Variants in GDAP1L1 observed in about 807,000 individuals in gnomAD.
GDAP1L1 encodes ganglioside-induced differentiation-associated protein 1-like 1.
Under a neutral mutation model 37.1 loss-of-function variants are expected in GDAP1L1, and 21 were observed. The observed-to-expected ratio is 0.57, with a 90% CI of 0.40 to 0.81. The LOEUF (loss-of-function observed/expected upper bound fraction) is 0.81. Among genes scored for constraint, GDAP1L1 ranks in the 40% least tolerant of loss-of-function variants. The probability of loss-of-function intolerance (pLI) is 0.00; values close to 1 mark genes in which losing one functional copy is unlikely to be tolerated. For synonymous variants in GDAP1L1, 193 were observed against 209.1 expected (o/e 0.92, Z 0.67); for missense variants, 362 against 491.6 (o/e 0.74, Z 2.49).
chr20:44,247,186 C>T, upstream of GDAP1L1: 1 of 782,040 alleles, frequency 1.3e-6, no homozygotes, highest in Non-Finnish European at 2.1e-6. Flanking sequence ...CCCCTCGCCC[C>T]CTCCCCCAAC....
chr20:44,258,316 C>T, intron 2 of GDAP1L1, 118 bp from the exon 3 acceptor site: 1 of 991,738 alleles, frequency 1.0e-6, no homozygotes, highest in East Asian at 2.6e-5. Flanking sequence ...CAAGCCCGAG[C>T]ATGGGGGTGC....
chr20:44,271,306 C>T (rs1284781526), intron 5 of GDAP1L1, among the ~76,000 whole-genome samples: 1 of 152,066 alleles, frequency 6.6e-6, no homozygotes, highest in African/African-American at 2.4e-5. Context: ...CCACACTAAG[C>T]GGGTATCAGC....
In GDAP1L1 at chr20:44,279,802, C is replaced by A; in HGVS notation, c.*502C>A. The A allele has an allele frequency of 2.1e-6, 1 of 471,400 alleles. No homozygotes were observed. The highest frequency in any genetic ancestry group is 1.5e-5 in the South Asian group (1 of 64,530). 29.2% of individuals were successfully genotyped at this position (471,400 alleles called of 1,614,324 possible). A position where few individuals can be genotyped will look rare whatever the true frequency, so the allele number is the denominator to read the frequency against. On this transcript the variant is annotated 3_prime_UTR_variant, in exon 6 of 6. Coordinates refer to ENST00000342560, the MANE Select transcript of GDAP1L1 (RefSeq NM_024034.6). The stretch of plus-strand genomic sequence containing the variant: ...CTGAATGGGGCTGGATAACCGGAGA[C>A]CCCATGGGAGGTCCCTGAAGATCAG...
chr20:44,271,087 ACT>A (rs2062510736), intron 5 of GDAP1L1, among the ~76,000 whole-genome samples: 2 of 151,948 alleles, frequency 1.3e-5, no homozygotes, highest in African/African-American at 4.8e-5. Context: ...ACATGGTGAG[ACT>A]CTGTCTCTAC....
intron 3 of GDAP1L1, 79 bp from the exon 4 acceptor site, chr20:44,263,151 A>G: frequency 3.8e-6 from 4 of 1,046,568 alleles, no homozygotes; most frequent in Non-Finnish European, 6.0e-6. Context: ...GATGGGGCCT[A>G]CTTCAAGTTG....
rs1402554492 is a variant in GDAP1L1 at position 44,259,261 on chromosome 20, A to C, written c.547+654A>C. Among the ~76,000 whole-genome samples the C allele has an allele frequency of 5.3e-5, 8 of 152,158 alleles. No homozygotes were observed. The East Asian group carries it at 1.5e-3, about 29-fold the overall frequency. ...AATGGGTGTTGGATTAAATCAGATA[A>C]TCCCTCAGCAGCTGTTTACAGACTA... On this transcript the variant is annotated intron_variant, in intron 3 of 5. Transcript: ENST00000342560.
At chr20:44,276,463 A>AGAAAGAAT (rs977887973) in intron 5 of GDAP1L1, among the ~76,000 whole-genome samples, 1 of 151,730 alleles carries the variant, frequency 6.6e-6, no homozygotes, top group African/African-American at 2.4e-5. Context: ...AAAGAAAGAA[A>AGAAAGAAT]GAAAAAGAAA....
At chr20:44,275,707 T>C (rs1042381248) in intron 5 of GDAP1L1, among the ~76,000 whole-genome samples, 2 of 152,106 alleles carry the variant, frequency 1.3e-5, no homozygotes, top group African/African-American at 2.4e-5. Flanking sequence ...CATTAAGGTG[T>C]AGTCAGTGGG....
intron 5 of GDAP1L1, among the ~76,000 whole-genome samples, chr20:44,276,466 A>AAGAAAGAAAGAAAGAAAG (rs1555801145): frequency 1.5e-5 from 2 of 136,986 alleles, no homozygotes; most frequent in Non-Finnish European, 3.2e-5. Context: ...GAAAGAAAGA[A>AAGAAAGAAAGAAAGAAAG]AAAGAAAGGC....
rs2062624026 is a variant in GDAP1L1 at position 44,279,888 on chromosome 20, A to T, written c.*588A>T. The T allele has an allele frequency of 1.2e-5, 5 of 425,686 alleles. No homozygotes were observed. Among genetic ancestry groups the T allele is most frequent in the South Asian group, 1.7e-5 (1 of 57,976 alleles). The allele number at this position is 425,686 out of a possible 1,614,324, so 26.4% of individuals were successfully genotyped here. A position where few individuals can be genotyped will look rare whatever the true frequency, so the allele number is the denominator to read the frequency against. On this transcript the variant is annotated 3_prime_UTR_variant, in exon 6 of 6. Coordinates refer to ENST00000342560, the MANE Select transcript of GDAP1L1 (RefSeq NM_024034.6). ...TTGAGCCAAGGCAGTGGCACCCAAA[A>T]ACCAGGCTGCAGTGGGGACGGATAC... is the stretch of plus-strand genomic sequence containing the variant.
intron 1 of GDAP1L1, among the ~76,000 whole-genome samples, chr20:44,251,777 C>T (rs1026271308): frequency 1.2e-4 from 18 of 152,216 alleles, no homozygotes; most frequent in African/African-American, 4.1e-4. Context: ...TTGGGGGAAG[C>T]TTATGGGCCC....
At chr20:44,252,674 T>G (rs145489085) in intron 1 of GDAP1L1, among the ~76,000 whole-genome samples, 223 of 152,040 alleles carry the variant, frequency 1.5e-3, no homozygotes, top group African/African-American at 5.1e-3. Context: ...AAAACAAAAG[T>G]TAGCTAGGCA....
At chr20:44,269,132 A>G (rs981523233) in intron 5 of GDAP1L1, among the ~76,000 whole-genome samples, 2 of 152,218 alleles carry the variant, frequency 1.3e-5, no homozygotes, top group Admixed American at 1.3e-4. Context: ...TGCCCAGCTC[A>G]AGATGAAATG....
At chr20:44,264,276 G>A (rs540867443) in intron 4 of GDAP1L1, among the ~76,000 whole-genome samples, 169 bp from the exon 5 acceptor site, 221 of 151,750 alleles carry the variant, frequency 1.5e-3, no homozygotes, top group African/African-American at 5.2e-3. Flanking sequence ...TCACAGGACT[G>A]TTGTAGGCAC....
chr20:44,274,131 C>T (rs187523291), intron 5 of GDAP1L1, among the ~76,000 whole-genome samples: 2 of 152,274 alleles, frequency 1.3e-5, no homozygotes, highest in African/African-American at 4.8e-5. Context: ...AAGGGATGGA[C>T]TGTTCTTGTC....
At position 44,248,364 on chromosome 20, in the gene GDAP1L1, C is replaced by A. The variant is rs545789598; in HGVS notation, c.180+850C>A. ...ACGGATTCAGCACCATGGCCAGGGC[C>A]CAGAGGCAGGTCCTGCAGGGGCCTA... On this transcript the variant is annotated intron_variant, in intron 1 of 5. Coordinates refer to ENST00000342560, the MANE Select transcript of GDAP1L1 (RefSeq NM_024034.6). 3.3e-5 allele frequency among the ~76,000 whole-genome samples: 5 copies of A among 152,366 alleles called. No individual in the cohort carries two copies. The South Asian group carries it at 1.0e-3, about 32-fold the overall frequency.
intron 3 of GDAP1L1, among the ~76,000 whole-genome samples, chr20:44,260,078 A>T (rs1441553780): frequency 6.6e-6 from 1 of 152,214 alleles, no homozygotes; most frequent in Non-Finnish European, 1.5e-5. Flanking sequence ...CATATGCACC[A>T]AGAAGTATGA....
chr20:44,262,003 G>A (rs2073682272), intron 3 of GDAP1L1, among the ~76,000 whole-genome samples: 1 of 152,212 alleles, frequency 6.6e-6, no homozygotes, highest in African/African-American at 2.4e-5. Context: ...ATTGGGACAG[G>A]AACAGTTGGG....
chr20:44,276,387 A>AGGAAGGAAG lies in GDAP1L1; in HGVS notation c.761-2569_761-2568insGAAGGAAGG, dbSNP rs1568659401. Among the ~76,000 whole-genome samples the AGGAAGGAAG allele has an allele frequency of 6.1e-3, 587 of 96,920 alleles. 11 individuals carry two copies. Among genetic ancestry groups the AGGAAGGAAG allele is most frequent in the African/African-American group, 0.024 (570 of 23,604 alleles). The allele number at this position is 96,920 out of a possible 152,430, so 63.6% of individuals were successfully genotyped here. A position where few individuals can be genotyped will look rare whatever the true frequency, so the allele number is the denominator to read the frequency against. On this transcript the variant is annotated intron_variant, in intron 5 of 5. Transcript: ENST00000342560. ...GGAAGGAAGGAAGGAAGGAAGGAAA[A>AGGAAGGAAG]GAAAAGAAAGGGAAAGAAAAAAGAA... is the stretch of plus-strand genomic sequence containing the variant.
Sources: allele counts gnomAD v4.1 joint callset (sites outside exome capture counted in the v4.1 genomes callset), GRCh38; gene constraint gnomAD v4.1.1; transcripts MANE v1.5; gene names NCBI Gene and HGNC (gene_info 2026-07-23, HGNC 2026-07-21).